ENOX1: variants seen among roughly 807,000 people sequenced by gnomAD.
ENOX1 encodes the protein ecto-NOX disulfide-thiol exchanger 1, also known as candidate growth-related and time keeping constitutive hydroquinone (NADH) oxidase.
Under a neutral mutation model 82.5 loss-of-function variants are expected in ENOX1, and 42 were observed. The observed-to-expected ratio is 0.51, with a 90% confidence interval of 0.40 to 0.66. The LOEUF is 0.66. ENOX1 is among the 30% of genes least tolerant of loss of function. ENOX1 has a pLI of 0.00. For missense variants in ENOX1, 608 were observed against 811.6 expected (o/e 0.75, Z 3.05); for synonymous variants, 271 against 282.2 (o/e 0.96, Z 0.40).
chr13:43,331,234 C>T (rs1226319285), intron 9 of ENOX1, among the ~76,000 whole-genome samples: 1 of 152,190 alleles, frequency 6.6e-6, no homozygotes, highest in Non-Finnish European at 1.5e-5. Flanking sequence ...AACACGAACA[C>T]AGCCCTTTTC....
Position 43,616,144 on chromosome 13 carries a change from ATC to A in ENOX1, c.-219+51333_-219+51334del, listed in dbSNP as rs1566641269. 9.7e-3 allele frequency among the ~76,000 whole-genome samples: 638 copies of A among 66,052 alleles called. 121 individuals carry two copies. The highest frequency in any genetic ancestry group is 0.029 in the African/African-American group (599 of 20,782). The allele number at this position is 66,052 out of a possible 152,430, so 43.3% of individuals were successfully genotyped here. The stretch of plus-strand genomic sequence containing the variant: ...TCTATAGATATCTATCTATCTAGAT[ATC>A]TATATAGATAGATATCTATCTATCT... On this transcript the variant is annotated intron_variant, in intron 2 of 16. Coordinates refer to ENST00000690772, the MANE Select transcript of ENOX1 (RefSeq NM_001347969.2).
chr13:43,724,352 C>T (rs1209076252), intron 1 of ENOX1, among the ~76,000 whole-genome samples: 1 of 152,228 alleles, frequency 6.6e-6, no homozygotes, highest in Admixed American at 6.5e-5. Flanking sequence ...CTTCTATGTG[C>T]TCTACCTCTT....
chr13:43,236,313 A>G (rs1241729456), intron 15 of ENOX1, among the ~76,000 whole-genome samples: 1 of 152,198 alleles, frequency 6.6e-6, no homozygotes, highest in Non-Finnish European at 1.5e-5. Flanking sequence ...GTTTGGAACT[A>G]GATGCAACCT....
chr13:43,774,184 TA>T (rs1002427997), intron 1 of ENOX1, among the ~76,000 whole-genome samples: 41 of 152,248 alleles, frequency 2.7e-4, no homozygotes, highest in African/African-American at 9.4e-4. Context: ...AGCACATTAC[TA>T]AGTAATAAGG....
At chr13:43,549,749 T>C (rs2079112181) in intron 2 of ENOX1, among the ~76,000 whole-genome samples, 1 of 152,174 alleles carries the variant, frequency 6.6e-6, no homozygotes, top group Non-Finnish European at 1.5e-5. Context: ...CAGTGTCCAA[T>C]GAAAATGAGG....
At chr13:43,470,295 C>CGTATATATATATGTATATATAT (rs2057954287) in intron 3 of ENOX1, among the ~76,000 whole-genome samples, 1 of 45,218 alleles carries the variant, frequency 2.2e-5, no homozygotes, top group African/African-American at 7.5e-5. Context: ...TATATATATA[C>CGTATATATATATGTATATATAT]ACATATATAT....
intron 2 of ENOX1, among the ~76,000 whole-genome samples, chr13:43,628,662 G>A (rs2083073611): frequency 6.6e-6 from 1 of 152,222 alleles, no homozygotes; most frequent in South Asian, 2.1e-4. Context: ...TTTGTATAAA[G>A]AGAGATTTTC....
chr13:43,725,783 T>C (rs1378570618), intron 1 of ENOX1, among the ~76,000 whole-genome samples: 1 of 144,738 alleles, frequency 6.9e-6, no homozygotes, highest in African/African-American at 2.6e-5. Context: ...CTGGGCAACA[T>C]GGCAAAACCT....
At chr13:43,552,473 A>G (rs2079243142) in intron 2 of ENOX1, among the ~76,000 whole-genome samples, 1 of 152,106 alleles carries the variant, frequency 6.6e-6, no homozygotes, top group Non-Finnish European at 1.5e-5. Context: ...TCTTAGGGTC[A>G]GAAGAAACCT....
chr13:43,312,182 G>A (rs958479221), intron 11 of ENOX1, among the ~76,000 whole-genome samples: 4 of 152,284 alleles, frequency 2.6e-5, no homozygotes, highest in Admixed American at 2.6e-4. Flanking sequence ...ATTGGGGGAA[G>A]GGAGAAGACA....
chr13:43,783,736 A>G (rs1324655487), intron 1 of ENOX1, among the ~76,000 whole-genome samples: 1 of 152,216 alleles, frequency 6.6e-6, no homozygotes, highest in East Asian at 1.9e-4. Context: ...AATCCTCCCA[A>G]TCTTGCATTT....
chr13:43,467,725 C>T (rs1008656406), intron 3 of ENOX1, among the ~76,000 whole-genome samples: 1 of 152,068 alleles, frequency 6.6e-6, no homozygotes, highest in Non-Finnish European at 1.5e-5. Context: ...ACTCAAGAAA[C>T]TATTGCCTAA....
intron 1 of ENOX1, among the ~76,000 whole-genome samples, chr13:43,777,111 G>A (rs1454546518): frequency 6.6e-6 from 1 of 152,178 alleles, no homozygotes; most frequent in Non-Finnish European, 1.5e-5. Context: ...CCATACAATG[G>A]TCACCAGGGG....
chr13:43,550,829 A>C (rs1041023758), intron 2 of ENOX1, among the ~76,000 whole-genome samples: 1 of 152,200 alleles, frequency 6.6e-6, no homozygotes, highest in Non-Finnish European at 1.5e-5. Flanking sequence ...AGAATCAATC[A>C]TCTCTAGCCA....
chr13:43,534,639 A>T (rs769292914), intron 2 of ENOX1, among the ~76,000 whole-genome samples: 1 of 152,156 alleles, frequency 6.6e-6, no homozygotes, highest in African/African-American at 2.4e-5. Context: ...CCACAGTAGG[A>T]ATGGGTGCTC....
At chr13:43,708,201 T>C (rs891820477) in intron 1 of ENOX1, among the ~76,000 whole-genome samples, 7 of 152,202 alleles carry the variant, frequency 4.6e-5, no homozygotes, top group African/African-American at 1.7e-4. Context: ...ATTTGTCTGG[T>C]GAGGGAAGAA....
At chr13:43,527,871 C>A (rs910667555) in intron 2 of ENOX1, among the ~76,000 whole-genome samples, 2 of 152,018 alleles carry the variant, frequency 1.3e-5, no homozygotes. Context: ...TATTGTTTTC[C>A]ATATTTCAAA....
chr13:43,668,970 T>A (rs2153789662), intron 1 of ENOX1, among the ~76,000 whole-genome samples: 1 of 152,348 alleles, frequency 6.6e-6, no homozygotes, highest in East Asian at 1.9e-4. Flanking sequence ...TTTGTATGCA[T>A]GAGCTATAAA....
At chr13:43,432,502 G>A (rs1438212904) in intron 3 of ENOX1, among the ~76,000 whole-genome samples, 1 of 152,092 alleles carries the variant, frequency 6.6e-6, no homozygotes, top group African/African-American at 2.4e-5. Context: ...AATGAGGTGG[G>A]CGTGGTGGCG....
Sources: gnomAD v4.1 joint callset for allele counts (sites outside exome capture counted in the v4.1 genomes callset) on GRCh38, gnomAD v4.1.1 for gene constraint, MANE v1.5 for transcripts, NCBI Gene and HGNC (gene_info 2026-07-23, HGNC 2026-07-21) for gene names.